Variants in ZMYM2 observed in about 807,000 individuals in gnomAD.
ZMYM2 encodes zinc finger MYM-type containing 2, also known as zinc finger MYM-type protein 2.
Under a neutral mutation model 162.8 loss-of-function variants are expected in ZMYM2, and 56 were observed. The ratio of observed to expected loss-of-function variants is 0.34; its 90% CI spans 0.28 to 0.43. The LOEUF (loss-of-function observed/expected upper bound fraction) is 0.43. Ranked by LOEUF, ZMYM2 falls within the 20% of genes least tolerant of loss-of-function variation. The probability of loss-of-function intolerance (pLI) is 1.00; values close to 1 mark genes in which losing one functional copy is unlikely to be tolerated. For missense variants in ZMYM2, 1,275 were observed against 1,621.8 expected, an observed-to-expected ratio of 0.79 and a Z score of 3.67; for synonymous variants, 510 against 541.6, an observed-to-expected ratio of 0.94 and a Z score of 0.81.
chr13:19,967,890 T>C (rs1955946829), intron 2 of ZMYM2, among the ~76,000 whole-genome samples: 1 of 152,246 alleles, frequency 6.6e-6, no homozygotes, highest in East Asian at 1.9e-4. Context: ...TAGTGTGTGC[T>C]TATCTGGTAA....
intron 11 of ZMYM2, among the ~76,000 whole-genome samples, chr13:20,036,187 C>G (rs954693956): frequency 1.3e-5 from 2 of 151,624 alleles, no homozygotes; most frequent in South Asian, 4.2e-4. Flanking sequence ...ATACTTAATG[C>G]GTTTATGTAG....
chr13:19,904,236 C>G, the ZMYM2 span, among the ~76,000 whole-genome samples: 1 of 151,922 alleles, frequency 6.6e-6, no homozygotes, highest in Non-Finnish European at 1.5e-5. Flanking sequence ...AAGTGAATAT[C>G]AAACCTATGT....
chr13:20,029,467 G>A (rs748286863), intron 9 of ZMYM2, among the ~76,000 whole-genome samples: 39 of 152,042 alleles, frequency 2.6e-4, no homozygotes, highest in Non-Finnish European at 4.7e-4. Context: ...AACTTTAATG[G>A]GGCTCAAATT....
the ZMYM2 span, among the ~76,000 whole-genome samples, chr13:19,898,454 C>T: frequency 3.9e-5 from 6 of 151,946 alleles, no homozygotes; most frequent in South Asian, 4.1e-4. Flanking sequence ...AGGATGGTCT[C>T]GATCTCCTGA....
At position 20,005,232 on chromosome 13, in the gene ZMYM2, T is replaced by C; in HGVS notation, c.1292T>C (p.Leu431Pro). Residue 431 changes from leucine to proline, a missense_variant, in exon 5 of 25, where the codon CTA becomes CCA. Leu to Pro is a moderately conservative substitution (Grantham distance 98, BLOSUM62 -3). Coordinates refer to ENST00000610343, the MANE Select transcript of ZMYM2 (RefSeq NM_197968.4). ...NKSRCTICGK[L>P]TEIRHEVSFK... ...TCAAGATGTACAATCTGTGGTAAACTAACTGAGGTTTGTATTTTTTTTCTT... is the reference window on the plus strand; with the variant it reads ...TCAAGATGTACAATCTGTGGTAAACCAACTGAGGTTTGTATTTTTTTTCTT... 1 of 1,543,010 alleles carries C rather than the reference T, an allele frequency of 6.5e-7. No homozygotes were observed. The highest frequency in any genetic ancestry group is 8.7e-7 in the Non-Finnish European group (1 of 1,153,594).
chr13:19,991,609 T>A (rs1949626618), intron 2 of ZMYM2, among the ~76,000 whole-genome samples: 1 of 141,644 alleles, frequency 7.1e-6, no homozygotes, highest in South Asian at 2.2e-4. Context: ...CCAGAATTTC[T>A]TTTCTTTTCT....
At chr13:20,006,255 T>G (rs1312169262) in intron 5 of ZMYM2, 119 bp from the exon 6 acceptor site, 1 of 1,039,756 alleles carries the variant, frequency 9.6e-7, no homozygotes, top group East Asian at 2.7e-5. Flanking sequence ...AAAATTTTTT[T>G]TTTCCTTTTC....
chr13:19,956,546 CCT>C (rs1485582441), upstream of ZMYM2, among the ~76,000 whole-genome samples: 41 of 152,272 alleles, frequency 2.7e-4, no homozygotes, highest in African/African-American at 9.4e-4. Context: ...AAAAATTCTC[CCT>C]GATATCAGAC....
intron 19 of ZMYM2, among the ~76,000 whole-genome samples, chr13:20,064,988 T>C (rs1457373225): frequency 6.6e-5 from 10 of 152,124 alleles, no homozygotes; most frequent in Non-Finnish European, 1.3e-4. Flanking sequence ...GATGAGATGA[T>C]CAGTGGGGTT....
chr13:20,009,265 G>T (rs1346261016), intron 6 of ZMYM2, among the ~76,000 whole-genome samples: 1 of 152,136 alleles, frequency 6.6e-6, no homozygotes, highest in East Asian at 1.9e-4. Flanking sequence ...AATTATTAAA[G>T]TACTACCCCA....
intron 10 of ZMYM2, among the ~76,000 whole-genome samples, chr13:20,033,592 C>A (rs977273627): frequency 3.3e-5 from 5 of 152,214 alleles, no homozygotes; most frequent in African/African-American, 1.2e-4. Flanking sequence ...TAGACTTAGT[C>A]TGTAGCCTGC....
chr13:20,036,258 CAAT>C (rs1445703347), intron 11 of ZMYM2, among the ~76,000 whole-genome samples: 1 of 85,198 alleles, frequency 1.2e-5, no homozygotes, highest in African/African-American at 3.1e-5. Context: ...CTGGGCAAGT[CAAT>C]AAATCTGTTT....
intron 3 of ZMYM2, among the ~76,000 whole-genome samples, chr13:19,997,518 T>G (rs188524111): frequency 1.3e-5 from 2 of 152,272 alleles, no homozygotes; most frequent in East Asian, 3.9e-4. Flanking sequence ...TGTGTGTATG[T>G]GTGTATGGGT....
intron 17 of ZMYM2, 125 bp downstream of exon 17, chr13:20,061,349 AACAAAAATGT>A: frequency 1.2e-6 from 1 of 864,350 alleles, no homozygotes; most frequent in South Asian, 5.8e-5. Context: ...AAAGCATTGT[AACAAAAATGT>A]TTTTTATATT....
At chr13:20,004,499 C>T (rs1267644195) in intron 4 of ZMYM2, among the ~76,000 whole-genome samples, 2 of 152,194 alleles carry the variant, frequency 1.3e-5, no homozygotes, top group Non-Finnish European at 1.5e-5. Context: ...TCGTGATCCA[C>T]CCGCCTCAGC....
chr13:19,880,514 C>A, the ZMYM2 span, among the ~76,000 whole-genome samples: 1 of 152,110 alleles, frequency 6.6e-6, no homozygotes, highest in Non-Finnish European at 1.5e-5. Flanking sequence ...CCACAACCTC[C>A]GCCTCCTGGG....
At chr13:19,876,885 T>C in the ZMYM2 span, among the ~76,000 whole-genome samples, 1 of 152,208 alleles carries the variant, frequency 6.6e-6, no homozygotes, top group Non-Finnish European at 1.5e-5. Context: ...TCTTAGTCTA[T>C]TTTGTGTTGC....
chr13:19,978,729 T>C (rs1422495318), intron 2 of ZMYM2, among the ~76,000 whole-genome samples: 1 of 152,226 alleles, frequency 6.6e-6, no homozygotes, highest in African/African-American at 2.4e-5. Flanking sequence ...ATTACTGTTT[T>C]GTGCCTTTAT....
chr13:19,916,245 C>T, the ZMYM2 span, among the ~76,000 whole-genome samples: 4 of 151,996 alleles, frequency 2.6e-5, no homozygotes, highest in East Asian at 1.9e-4. Context: ...GAAATAGGAA[C>T]GCTTTTACAC....
Sources: allele counts gnomAD v4.1 joint callset (sites outside exome capture counted in the v4.1 genomes callset), GRCh38; gene constraint gnomAD v4.1.1; transcripts MANE v1.5; gene names NCBI Gene and HGNC (gene_info 2026-07-23, HGNC 2026-07-21).